RBM25: variants seen among roughly 807,000 people sequenced by gnomAD.
RBM25 encodes RNA binding motif protein 25.
In RBM25, 19 loss-of-function variants were observed where a neutral mutation model predicts 120.7. The ratio of observed to expected loss-of-function variants is 0.16; its 90% CI spans 0.11 to 0.23. RBM25 has a LOEUF of 0.23. RBM25 is among the 10% of genes least tolerant of loss of function. RBM25 has a pLI of 1.00. For missense variants in RBM25, 605 were observed against 1,041.5 expected, an observed-to-expected ratio of 0.58 and a Z score of 5.77; for synonymous variants, 390 against 326.7, an observed-to-expected ratio of 1.19 and a Z score of -2.09.
chr14:73,075,277 G>A (rs143305537), intron 2 of RBM25, among the ~76,000 whole-genome samples: 1 of 151,870 alleles, frequency 6.6e-6, no homozygotes, highest in African/African-American at 2.4e-5. Flanking sequence ...TTCTGCCTCA[G>A]CCTCCCGAGT....
chr14:73,086,423 C>T (rs1033473550), intron 5 of RBM25, among the ~76,000 whole-genome samples: 8 of 148,028 alleles, frequency 5.4e-5, no homozygotes, highest in South Asian at 2.1e-4. Flanking sequence ...GGTGACAGCG[C>T]GAGACTCCGT....
At chr14:73,117,326 G>A (rs1594939787) in intron 18 of RBM25, among the ~76,000 whole-genome samples, 1 of 140,898 alleles carries the variant, frequency 7.1e-6, no homozygotes, top group African/African-American at 2.7e-5. Context: ...CCACTTCTTG[G>A]GTTCAAGCAA....
At position 73,114,371 on chromosome 14, in the gene RBM25, TA is replaced by T. The variant is rs755950110; in HGVS notation, c.2439+45del. ...TTCACTATTTTTATTTCTTTTAATT[TA>T]AAAAAAGTTTTTGGTTTTTTTTGTC... is the stretch of plus-strand genomic sequence containing the variant. On this transcript the variant is annotated intron_variant, in intron 18 of 18. Coordinates refer to ENST00000261973, the MANE Select transcript of RBM25 (RefSeq NM_021239.3). The T allele has an allele frequency of 3.5e-5, 52 of 1,481,124 alleles. No individual in the cohort carries two copies. The Middle Eastern group carries it at 9.4e-4, about 27-fold the overall frequency. The allele number at this position is 1,481,124 out of a possible 1,614,324, so 91.7% of individuals were successfully genotyped here. A position where few individuals can be genotyped will look rare whatever the true frequency, so the allele number is the denominator to read the frequency against.
chr14:73,088,244 T>C, intron 6 of RBM25, 83 bp downstream of exon 6: 1 of 1,514,924 alleles, frequency 6.6e-7, no homozygotes, highest in Non-Finnish European at 9.1e-7. Context: ...GAATCTAATA[T>C]GGGGCTTCAA....
intron 1 of RBM25, among the ~76,000 whole-genome samples, chr14:73,064,615 G>A (rs2140420396): frequency 6.6e-6 from 1 of 151,200 alleles, no homozygotes; most frequent in South Asian, 2.1e-4. Context: ...GTCTGGCCTC[G>A]AACTCCTGAC....
At chr14:73,063,384 C>A (rs796933342) in intron 1 of RBM25, among the ~76,000 whole-genome samples, 71 of 151,210 alleles carry the variant, frequency 4.7e-4, no homozygotes, top group African/African-American at 1.5e-3. Context: ...CTCCTGACTT[C>A]GTGATCCACC....
intron 13 of RBM25, among the ~76,000 whole-genome samples, chr14:73,108,845 G>A (rs979769471): frequency 3.3e-5 from 5 of 152,162 alleles, no homozygotes; most frequent in African/African-American, 4.8e-5. Context: ...AATGTATAAC[G>A]TCAACATTCT....
Position 73,123,195 on chromosome 14 carries a change from T to C in RBM25, c.*3390T>C, listed in dbSNP as rs908396654. 3.3e-5 allele frequency: 5 copies of C among 152,036 alleles called. No individual in the cohort carries two copies. Among genetic ancestry groups the C allele is most frequent in the South Asian group, 2.1e-4 (1 of 4,820 alleles). The allele number at this position is 152,036 out of a possible 1,614,324, so 9.4% of individuals were successfully genotyped here. A position where few individuals can be genotyped will look rare whatever the true frequency, so the allele number is the denominator to read the frequency against. On this transcript the variant is annotated 3_prime_UTR_variant, in exon 19 of 19. Transcript: ENST00000261973. ...GTTTCAGGTATTAATCTGCCATGAA[T>C]ACTAGATATAGTAGAAAAACTGAGA...
At chr14:73,106,463 C>T (rs1426044814) in intron 12 of RBM25, among the ~76,000 whole-genome samples, 178 bp downstream of exon 12, 1 of 151,884 alleles carries the variant, frequency 6.6e-6, no homozygotes, top group Non-Finnish European at 1.5e-5. Context: ...ATCTTTTTTC[C>T]TCTTCAAATT....
chr14:73,085,565 C>T (rs1310464205), intron 5 of RBM25, among the ~76,000 whole-genome samples: 1 of 151,812 alleles, frequency 6.6e-6, no homozygotes, highest in Non-Finnish European at 1.5e-5. Flanking sequence ...TTGCCTCAGC[C>T]TCCTGAGTAG....
rs527672378 is a variant in RBM25 at position 73,063,535 on chromosome 14, G to A, written c.-16+4830G>A. 9.8e-4 allele frequency among the ~76,000 whole-genome samples: 148 copies of A among 151,496 alleles called. 7 individuals carry two copies. The highest frequency in any genetic ancestry group is 1.6e-3 in the Non-Finnish European group (111 of 67,556). On this transcript the variant is annotated intron_variant, in intron 1 of 18. Coordinates refer to ENST00000261973, the MANE Select transcript of RBM25 (RefSeq NM_021239.3). ...ATATTTTAAAAAATGCTATGGAAATGATTTCAGTGCCATAAGATAACTCTG... is the reference window on the plus strand; with the variant it reads ...ATATTTTAAAAAATGCTATGGAAATAATTTCAGTGCCATAAGATAACTCTG...
In RBM25 at chr14:73,113,880, A is replaced by G. The variant is rs369693942; in HGVS notation, c.2392-406A>G. On this transcript the variant is annotated intron_variant, in intron 17 of 18. Transcript: ENST00000261973. ...CTTAACCACTAAGGTATATCTTCCC[A>G]TTGTCTCCTGAAAACATAGTCTTAA... Among the ~76,000 whole-genome samples the G allele has an allele frequency of 2.6e-5, 4 of 152,238 alleles. No individual in the cohort carries two copies. In the East Asian group the frequency reaches 5.8e-4, roughly 22 times the overall value.
chr14:73,121,133 AT>A lies in RBM25; in HGVS notation c.*1331del, dbSNP rs1254618253. 1 of 152,578 alleles carries A rather than the reference AT, an allele frequency of 6.6e-6. No homozygotes were observed. The highest frequency in any genetic ancestry group is 6.5e-5 in the Admixed American group (1 of 15,270). The allele number at this position is 152,578 out of a possible 1,614,324, so 9.5% of individuals were successfully genotyped here. A position where few individuals can be genotyped will look rare whatever the true frequency, so the allele number is the denominator to read the frequency against. On this transcript the variant is annotated 3_prime_UTR_variant, in exon 19 of 19. Transcript: ENST00000261973. ...CAACTGTTCCCATGTCTGAGTACTTATTTAAAAGAAAGGTAAAGATTGGCCT... is the reference window on the plus strand; with the variant it reads ...CAACTGTTCCCATGTCTGAGTACTTATTAAAAGAAAGGTAAAGATTGGCCT...
At chr14:73,061,348 C>A (rs1481289281) in intron 1 of RBM25, among the ~76,000 whole-genome samples, 4 of 151,318 alleles carry the variant, frequency 2.6e-5, no homozygotes, top group Non-Finnish European at 5.9e-5. Flanking sequence ...AGCCACCGCA[C>A]TTGGCCAATA....
chr14:73,086,593 C>T (rs540011853), intron 5 of RBM25, among the ~76,000 whole-genome samples: 3 of 152,272 alleles, frequency 2.0e-5, no homozygotes, highest in Non-Finnish European at 4.4e-5. Context: ...AGTTTCAAGG[C>T]CATTGGGGAT....
At position 73,112,147 on chromosome 14, in the gene RBM25, T is replaced by C. The variant is rs1896322541; in HGVS notation, c.2293-5T>C. Reference sequence around the variant, plus strand: ...TTAATTCAGTAACCGTGGTTTGTTTTGCAGATACTGATGGAACGTCGAATT... The same window carrying C: ...TTAATTCAGTAACCGTGGTTTGTTTCGCAGATACTGATGGAACGTCGAATT... On this transcript the variant is annotated splice_region_variant and splice_polypyrimidine_tract_variant and intron_variant, in intron 16 of 18. Transcript: ENST00000261973. The C allele has an allele frequency of 1.3e-6, 2 of 1,596,786 alleles. No individual in the cohort carries two copies. Among genetic ancestry groups the C allele is most frequent in the Non-Finnish European group, 1.7e-6 (2 of 1,174,182 alleles).
chr14:73,061,550 A>G (rs866966148), intron 1 of RBM25, among the ~76,000 whole-genome samples: 1 of 151,258 alleles, frequency 6.6e-6, no homozygotes, highest in Middle Eastern at 3.4e-3. Flanking sequence ...CTGTATAGAT[A>G]GTAGTAGATA....
At chr14:73,103,048 A>C in intron 9 of RBM25, 144 bp from the exon 10 acceptor site, 1 of 1,485,776 alleles carries the variant, frequency 6.7e-7, no homozygotes, top group Non-Finnish European at 9.0e-7. Flanking sequence ...CTTCAGTTTA[A>C]TTTGTCACAT....
At chr14:73,074,642 C>T (rs937627035) in intron 2 of RBM25, among the ~76,000 whole-genome samples, 1 of 151,930 alleles carries the variant, frequency 6.6e-6, no homozygotes, top group Non-Finnish European at 1.5e-5. Context: ...TATGGAGAAT[C>T]TGTGCTTTAA....
Sources: allele counts gnomAD v4.1 joint callset (sites outside exome capture counted in the v4.1 genomes callset), GRCh38; gene constraint gnomAD v4.1.1; transcripts MANE v1.5; gene names NCBI Gene and HGNC (gene_info 2026-07-23, HGNC 2026-07-21).